Variants in SORCS2 observed in about 807,000 individuals in gnomAD.
SORCS2 encodes the protein VPS10 domain-containing receptor SorCS2.
A neutral mutation model predicts 141.6 loss-of-function variants in SORCS2; 100 were observed. The ratio of observed to expected loss-of-function variants is 0.71; its 90% CI spans 0.60 to 0.83. The LOEUF (loss-of-function observed/expected upper bound fraction) is 0.83, where lower values mean the gene tolerates loss of function less well. Ranked by LOEUF, SORCS2 falls within the 40% of genes least tolerant of loss-of-function variation. The pLI is 0.00. For missense variants in SORCS2, 1,646 were observed against 1,560.2 expected, an observed-to-expected ratio of 1.05 and a Z score of -0.93; for synonymous variants, 789 against 676.9, an observed-to-expected ratio of 1.17 and a Z score of -2.57.
At chr4:7,672,362 G>T (rs1053564357) in intron 8 of SORCS2, among the ~76,000 whole-genome samples, 4 of 152,212 alleles carry the variant, frequency 2.6e-5, no homozygotes, top group African/African-American at 9.7e-5. Context: ...CCGGAGTTCA[G>T]AAGGCAGCGA....
intron 8 of SORCS2, among the ~76,000 whole-genome samples, chr4:7,670,697 G>A (rs6816649): frequency 0.79 from 119,843 of 152,160 alleles, 47,649 homozygotes; most frequent in Non-Finnish European, 0.82. Flanking sequence ...TATCAAAGTC[G>A]ATTTGGATAA....
At chr4:7,678,927 G>A (rs1723334596) in intron 9 of SORCS2, among the ~76,000 whole-genome samples, 1 of 152,196 alleles carries the variant, frequency 6.6e-6, no homozygotes, top group African/African-American at 2.4e-5. Context: ...TCCTCACAGG[G>A]TTGCTGTGAG....
At chr4:7,570,116 T>C (rs1715287825) in intron 3 of SORCS2, among the ~76,000 whole-genome samples, 1 of 152,200 alleles carries the variant, frequency 6.6e-6, no homozygotes, top group South Asian at 2.1e-4. Flanking sequence ...TAAGGTGTTA[T>C]TGATAGAGCC....
chr4:7,446,257 T>C (rs1727992072), intron 2 of SORCS2, among the ~76,000 whole-genome samples: 1 of 151,934 alleles, frequency 6.6e-6, no homozygotes, highest in Admixed American at 6.5e-5. Flanking sequence ...TGTCGCACAG[T>C]GAGTTGGAGG....
rs1282898402 is a variant in SORCS2 at position 7,682,882 on chromosome 4, G to A, written c.1481G>A (p.Cys494Tyr). The A allele has an allele frequency of 6.2e-7, 1 of 1,613,290 alleles. No homozygotes were observed. Among genetic ancestry groups the A allele is most frequent in the Non-Finnish European group, 8.5e-7 (1 of 1,179,646 alleles). Residue 494 changes from cysteine to tyrosine, a missense_variant, in exon 10 of 27, where the codon TGC becomes TAC. Physicochemically the swap from Cys to Tyr is radical, Grantham distance 194. Transcript: ENST00000507866. ...SMDMNGKPTN[C>Y]KPPDCHLHLH... ...GACATGAATGGAAAACCAACCAACT[G>A]CAAGCCTGTAAGTACCTCTGCTCAC...
chr4:7,411,154 C>A (rs1458415397), intron 2 of SORCS2, among the ~76,000 whole-genome samples: 1 of 151,882 alleles, frequency 6.6e-6, no homozygotes, highest in Non-Finnish European at 1.5e-5. Context: ...CAGGGTTTCA[C>A]CATGTTGGCC....
intron 3 of SORCS2, among the ~76,000 whole-genome samples, chr4:7,627,523 C>T (rs764395469): frequency 2.6e-4 from 39 of 152,142 alleles, no homozygotes; most frequent in Non-Finnish European, 4.7e-4. Context: ...TTTTAGGAAC[C>T]ATGAATGCTG....
intron 2 of SORCS2, among the ~76,000 whole-genome samples, chr4:7,481,290 G>C (rs1023785562): frequency 6.6e-6 from 1 of 152,262 alleles, no homozygotes; most frequent in Non-Finnish European, 1.5e-5. Flanking sequence ...CACCACACAG[G>C]GGTCTTCGCT....
chr4:7,317,454 C>T (rs2108936068), intron 1 of SORCS2, among the ~76,000 whole-genome samples: 1 of 152,324 alleles, frequency 6.6e-6, no homozygotes. Context: ...ATGTTCCAGG[C>T]ATGTCCAATC....
chr4:7,474,365 T>C (rs1407428019), intron 2 of SORCS2, among the ~76,000 whole-genome samples: 2 of 152,222 alleles, frequency 1.3e-5, no homozygotes, highest in Non-Finnish European at 2.9e-5. Context: ...TATGGCCTGA[T>C]GGGCTGACAG....
At chr4:7,715,952 G>A (rs1288483268) in intron 17 of SORCS2, among the ~76,000 whole-genome samples, 1 of 152,222 alleles carries the variant, frequency 6.6e-6, no homozygotes, top group Non-Finnish European at 1.5e-5. Context: ...ACACACAGTA[G>A]GTGTTCCTTC....
intron 3 of SORCS2, among the ~76,000 whole-genome samples, chr4:7,629,580 C>T (rs568602009): frequency 1.7e-4 from 26 of 152,080 alleles, no homozygotes; most frequent in East Asian, 5.8e-4. Context: ...GCTCCCCACC[C>T]GCTGATCTCT....
rs541676980 is a variant in SORCS2, at chr4:7,381,007, G to A, written c.481-15281G>A. ...TGAGGCAGGAGAATCGCTTGAACCC[G>A]GGAGGCAGAGGTTTCAGTGAGCTGA... On this transcript the variant is annotated intron_variant, in intron 1 of 26. Coordinates refer to ENST00000507866, the MANE Select transcript of SORCS2 (RefSeq NM_020777.3). 1.3e-3 allele frequency among the ~76,000 whole-genome samples: 195 copies of A among 150,380 alleles called. 2 individuals carry two copies. The highest frequency in any genetic ancestry group is 4.5e-3 in the African/African-American group (182 of 40,814).
At chr4:7,537,154 G>C (rs1712201917) in intron 3 of SORCS2, among the ~76,000 whole-genome samples, 1 of 152,184 alleles carries the variant, frequency 6.6e-6, no homozygotes, top group African/African-American at 2.4e-5. Context: ...CTGCACACCG[G>C]GCGCAGTCTG....
intron 3 of SORCS2, among the ~76,000 whole-genome samples, chr4:7,547,731 T>G (rs986635972): frequency 7.9e-5 from 12 of 152,230 alleles, no homozygotes; most frequent in African/African-American, 2.9e-4. Flanking sequence ...CAGACCAGTT[T>G]GCCGTGAGAC....
chr4:7,488,298 C>T lies in SORCS2; in HGVS notation c.549-43232C>T, dbSNP rs201623593. Among the ~76,000 whole-genome samples the T allele has an allele frequency of 7.9e-5, 12 of 152,318 alleles. No homozygotes were observed. In the East Asian group the frequency reaches 1.5e-3, roughly 20 times the overall value. The stretch of plus-strand genomic sequence containing the variant: ...GAAAAGCTCAATGAGGTTCAGAAAG[C>T]GGCCGCAGTTGTGCAGTCTGTGGAG... On this transcript the variant is annotated intron_variant, in intron 2 of 26. Coordinates refer to ENST00000507866, the MANE Select transcript of SORCS2 (RefSeq NM_020777.3).
chr4:7,367,271 C>G (rs1024799124), intron 1 of SORCS2, among the ~76,000 whole-genome samples: 2 of 152,218 alleles, frequency 1.3e-5, no homozygotes. Flanking sequence ...CAGCAACAAA[C>G]TTGAGTGTGT....
chr4:7,297,243 G>C (rs985246055), intron 1 of SORCS2, among the ~76,000 whole-genome samples: 4 of 152,136 alleles, frequency 2.6e-5, no homozygotes, highest in African/African-American at 7.2e-5. Flanking sequence ...CCCAGCTCGG[G>C]GTTCCACACC....
At chr4:7,574,650 A>C (rs1394987968) in intron 3 of SORCS2, among the ~76,000 whole-genome samples, 8 of 151,956 alleles carry the variant, frequency 5.3e-5, no homozygotes, top group African/African-American at 1.9e-4. Context: ...GAAGGGAGGG[A>C]GAGAGAGGAG....
Sources: gnomAD v4.1 joint callset for allele counts (sites outside exome capture counted in the v4.1 genomes callset) on GRCh38, gnomAD v4.1.1 for gene constraint, MANE v1.5 for transcripts, NCBI Gene and HGNC (gene_info 2026-07-23, HGNC 2026-07-21) for gene names.